MEOX1: variants seen among roughly 807,000 people sequenced by gnomAD.
MEOX1 encodes the protein homeobox protein MOX-1.
A neutral mutation model predicts 23.2 loss-of-function variants in MEOX1; 17 were observed. The ratio of observed to expected loss-of-function variants is 0.73; its 90% CI spans 0.50 to 1.10. MEOX1 has a LOEUF of 1.10. Ranked by LOEUF, MEOX1 falls within the 50% of genes least tolerant of loss-of-function variation. The pLI is 0.00. For synonymous variants in MEOX1, 134 were observed against 135.1 expected (o/e 0.99, Z 0.06); for missense variants, 333 against 332.2 (o/e 1.00, Z -0.02).
rs1210134198 is a variant in MEOX1 at position 43,660,078 on chromosome 17, G to A, written c.469+988C>T. ...GACAGACAGGCGTGCCCCTGAGGGC[G>A]GCTGTCAGGAGGAAAACAGGGCAGC... is the stretch of plus-strand genomic sequence containing the variant. On this transcript the variant is annotated intron_variant, in intron 1 of 2. Coordinates refer to ENST00000318579, the MANE Select transcript of MEOX1 (RefSeq NM_004527.4). Among the ~76,000 whole-genome samples the A allele has an allele frequency of 2.0e-5, 3 of 152,228 alleles. No individual in the cohort carries two copies. The South Asian group carries it at 6.2e-4, about 31-fold the overall frequency.
intron 1 of MEOX1, among the ~76,000 whole-genome samples, chr17:43,646,825 C>G (rs1598261452): frequency 2.6e-5 from 4 of 151,924 alleles, no homozygotes; most frequent in African/African-American, 9.7e-5. Flanking sequence ...AAAATACAAA[C>G]AACAACAAAA....
intron 1 of MEOX1, among the ~76,000 whole-genome samples, chr17:43,653,034 G>T (rs376233894): frequency 4.6e-5 from 7 of 151,292 alleles, no homozygotes; most frequent in African/African-American, 1.7e-4. Flanking sequence ...GCATTTCACC[G>T]TGTTAGCCAG....
Position 43,661,724 on chromosome 17 carries a change from G to A in MEOX1, c.-190C>T. The A allele has an allele frequency of 2.0e-6, 1 of 504,038 alleles. No individual in the cohort carries two copies. Among genetic ancestry groups the A allele is most frequent in the Non-Finnish European group, 3.4e-6 (1 of 290,686 alleles). The allele number at this position is 504,038 out of a possible 1,614,324, so 31.2% of individuals were successfully genotyped here. Reference sequence around the variant, plus strand: ...GTCTCTCCTTAAAGTACACACACATGTGGCCAGCTACTCCTATGTGTGTGC... The same window carrying A: ...GTCTCTCCTTAAAGTACACACACATATGGCCAGCTACTCCTATGTGTGTGC... On this transcript the variant is annotated 5_prime_UTR_variant, in exon 1 of 3. Coordinates refer to ENST00000318579, the MANE Select transcript of MEOX1 (RefSeq NM_004527.4).
At chr17:43,659,942 G>A (rs9889606) in intron 1 of MEOX1, among the ~76,000 whole-genome samples, 24,443 of 152,108 alleles carry the variant, frequency 0.16, 2,837 homozygotes, top group African/African-American at 0.32. Flanking sequence ...GCAGAAACTC[G>A]GGAAAGCTGT....
intron 1 of MEOX1, among the ~76,000 whole-genome samples, chr17:43,660,838 G>A (rs1973123663): frequency 6.6e-6 from 1 of 152,070 alleles, no homozygotes; most frequent in African/African-American, 2.4e-5. Context: ...TTCTCTTGCT[G>A]GACACCCTTT....
At chr17:43,654,165 T>A (rs1664417263) in intron 1 of MEOX1, among the ~76,000 whole-genome samples, 1 of 152,096 alleles carries the variant, frequency 6.6e-6, no homozygotes, top group Admixed American at 6.6e-5. Context: ...AAAGAAGGGA[T>A]TAAGTTAAAA....
intron 1 of MEOX1, among the ~76,000 whole-genome samples, chr17:43,649,776 A>G (rs28441162): frequency 0.3 from 46,206 of 152,060 alleles, 8,576 homozygotes; most frequent in African/African-American, 0.53. Flanking sequence ...TGCCTCTGTG[A>G]TTAGGAAGGA....
chr17:43,661,024 T>A, intron 1 of MEOX1, 42 bp downstream of exon 1: 1 of 1,315,356 alleles, frequency 7.6e-7, no homozygotes, highest in African/African-American at 1.5e-5. Flanking sequence ...TTCCCCAGGG[T>A]CACACAGTAA....
At chr17:43,650,937 G>C (rs571969913) in intron 1 of MEOX1, among the ~76,000 whole-genome samples, 1 of 152,284 alleles carries the variant, frequency 6.6e-6, no homozygotes, top group East Asian at 1.9e-4. Flanking sequence ...GGTGCCTAAA[G>C]AGACATCGGC....
At position 43,659,503 on chromosome 17, in the gene MEOX1, G is replaced by T. The variant is rs147621311; in HGVS notation, c.469+1563C>A. Among the ~76,000 whole-genome samples the T allele has an allele frequency of 4.4e-3, 669 of 152,208 alleles. 5 individuals carry two copies. The highest frequency in any genetic ancestry group is 0.015 in the African/African-American group (629 of 41,530). On this transcript the variant is annotated intron_variant, in intron 1 of 2. Transcript: ENST00000318579. Reference sequence around the variant, plus strand: ...GGACTGCATTTGAAATCTACTGAAGGGGGTGATACCGGGGGCCTGAAGCCT... The same window carrying T: ...GGACTGCATTTGAAATCTACTGAAGTGGGTGATACCGGGGGCCTGAAGCCT...
chr17:43,653,172 C>A (rs1972950374), intron 1 of MEOX1, among the ~76,000 whole-genome samples: 1 of 146,442 alleles, frequency 6.8e-6, no homozygotes, highest in Non-Finnish European at 1.5e-5. Flanking sequence ...CGGAATCTCA[C>A]TCTGTCTCCC....
chr17:43,656,601 G>T (rs186662724), intron 1 of MEOX1, among the ~76,000 whole-genome samples: 2 of 152,306 alleles, frequency 1.3e-5, no homozygotes, highest in East Asian at 3.8e-4. Flanking sequence ...GACAAATCAC[G>T]TCTGATTAAA....
intron 2 of MEOX1, among the ~76,000 whole-genome samples, chr17:43,643,220 G>A (rs1161641457): frequency 6.6e-6 from 1 of 152,230 alleles, no homozygotes; most frequent in African/African-American, 2.4e-5. Context: ...GCTAAGGCAG[G>A]AGAATTGCTT....
rs997209222 is a variant in MEOX1 at position 43,646,094 on chromosome 17, G to C, written c.470-2434C>G. On this transcript the variant is annotated intron_variant, in intron 1 of 2. Coordinates refer to ENST00000318579, the MANE Select transcript of MEOX1 (RefSeq NM_004527.4). Reference sequence around the variant, plus strand: ...TGGCCCGGGGGTCCGCGTCCGATCCGGGTTGGCCGCCCGCGGGGCGCGCCC... The same window carrying C: ...TGGCCCGGGGGTCCGCGTCCGATCCCGGTTGGCCGCCCGCGGGGCGCGCCC... Among the ~76,000 whole-genome samples, 9 of 152,276 alleles carry C rather than the reference G, an allele frequency of 5.9e-5. No homozygotes were observed. In the South Asian group the frequency reaches 6.2e-4, roughly 11 times the overall value.
chr17:43,645,982 G>C (rs1972803477), intron 1 of MEOX1, among the ~76,000 whole-genome samples: 1 of 152,250 alleles, frequency 6.6e-6, no homozygotes, highest in African/African-American at 2.4e-5. Flanking sequence ...GATGGAAGGG[G>C]AGTGGGTGCC....
intron 1 of MEOX1, among the ~76,000 whole-genome samples, chr17:43,645,131 G>A (rs1336449552): frequency 2.0e-5 from 3 of 151,800 alleles, no homozygotes; most frequent in Non-Finnish European, 4.4e-5. Flanking sequence ...GCAGGAGCCC[G>A]GGGCTCTAAC....
At chr17:43,650,815 C>G (rs1012900841) in intron 1 of MEOX1, among the ~76,000 whole-genome samples, 1 of 152,144 alleles carries the variant, frequency 6.6e-6, no homozygotes, top group Non-Finnish European at 1.5e-5. Context: ...GGAGCCAGCC[C>G]GAGACTGGTT....
chr17:43,655,439 C>G (rs572847302), intron 1 of MEOX1, among the ~76,000 whole-genome samples: 3 of 151,448 alleles, frequency 2.0e-5, no homozygotes, highest in Admixed American at 2.0e-4. Flanking sequence ...CCACTGCACT[C>G]CAGCCTGGCA....
intron 1 of MEOX1, among the ~76,000 whole-genome samples, chr17:43,652,595 C>T (rs1411847228): frequency 6.6e-6 from 1 of 152,112 alleles, no homozygotes; most frequent in African/African-American, 2.4e-5. Context: ...TTAGGACTCA[C>T]CCACGTCCAC....
Sources: gnomAD v4.1 joint callset for allele counts (sites outside exome capture counted in the v4.1 genomes callset) on GRCh38, gnomAD v4.1.1 for gene constraint, MANE v1.5 for transcripts, NCBI Gene and HGNC (gene_info 2026-07-23, HGNC 2026-07-21) for gene names.